TRDN: variants seen among roughly 807,000 people sequenced by gnomAD.
The protein encoded by TRDN is triadin, also known as triadin in skeletal muscle.
In TRDN, 161 loss-of-function variants were observed where a neutral mutation model predicts 149.7. The ratio of observed to expected loss-of-function variants is 1.08; its 90% CI spans 0.95 to 1.23. TRDN has a LOEUF of 1.23. Ranked by LOEUF, TRDN falls within the 50% of genes most tolerant of loss-of-function variation. The pLI, the probability that TRDN is intolerant of heterozygous loss-of-function variation, is 0.00. For missense variants in TRDN, 896 were observed against 823.5 expected, an observed-to-expected ratio of 1.09 and a Z score of -1.08; for synonymous variants, 294 against 250.5, an observed-to-expected ratio of 1.17 and a Z score of -1.64.
intron 10 of TRDN, among the ~76,000 whole-genome samples, chr6:123,460,101 C>G (rs545264767): frequency 1.3e-5 from 2 of 152,186 alleles, no homozygotes; most frequent in Admixed American, 1.3e-4. Flanking sequence ...ATCTTGAAAA[C>G]AAAGTTAATC....
At chr6:123,387,348 C>A (rs974544528) in intron 14 of TRDN, among the ~76,000 whole-genome samples, 1 of 151,864 alleles carries the variant, frequency 6.6e-6, no homozygotes, top group Admixed American at 6.6e-5. Context: ...AATAATAAAC[C>A]TATTAAATGT....
At chr6:123,583,942 T>A (rs776574238) in intron 1 of TRDN, 7 of 262,370 alleles carry the variant, frequency 2.7e-5, no homozygotes, top group South Asian at 2.6e-4. Context: ...ATTTCCACGA[T>A]GGAAAGGAAA....
chr6:123,377,548 CTAAAACT>C (rs1781554979), intron 18 of TRDN, among the ~76,000 whole-genome samples, 161 bp downstream of exon 18: 1 of 152,142 alleles, frequency 6.6e-6, no homozygotes, highest in Non-Finnish European at 1.5e-5. Flanking sequence ...CTTTCATTTT[CTAAAACT>C]GCATTGATGT....
intron 20 of TRDN, among the ~76,000 whole-genome samples, chr6:123,364,053 T>A (rs1379922829): frequency 6.6e-6 from 1 of 152,232 alleles, no homozygotes; most frequent in Admixed American, 6.5e-5. Context: ...ACTTTCTTTT[T>A]CTGTATGTCA....
intron 38 of TRDN, among the ~76,000 whole-genome samples, chr6:123,225,371 A>G (rs762782412): frequency 6.6e-6 from 1 of 151,684 alleles, no homozygotes. Context: ...CCACTAGACA[A>G]TAGTCATCCT....
At chr6:123,331,962 C>A in intron 22 of TRDN, 33 bp from the exon 23 acceptor site, 3 of 1,489,682 alleles carry the variant, frequency 2.0e-6, no homozygotes, top group Non-Finnish European at 2.7e-6. Context: ...TATTTGAAGC[C>A]AAGACAAAGA....
At chr6:123,494,891 A>G (rs938690447) in intron 9 of TRDN, among the ~76,000 whole-genome samples, 13 of 151,412 alleles carry the variant, frequency 8.6e-5, no homozygotes, top group Admixed American at 7.9e-4. Context: ...CCACCACCAA[A>G]CCTGGCTAAT....
At chr6:123,604,112 C>T (rs1535353) in intron 1 of TRDN, among the ~76,000 whole-genome samples, 119,026 of 152,138 alleles carry the variant, frequency 0.78, 46,948 homozygotes, top group Admixed American at 0.86. Flanking sequence ...GTGCTTACCG[C>T]GACAGTGTTG....
At chr6:123,586,517 C>T (rs980596791) in intron 1 of TRDN, among the ~76,000 whole-genome samples, 2 of 152,112 alleles carry the variant, frequency 1.3e-5, no homozygotes, top group African/African-American at 4.8e-5. Context: ...GGATGTCAGG[C>T]ACCTCAGACC....
rs751544057 is a variant in TRDN at position 123,316,050 on chromosome 6, G to A, written c.1510+407C>T. ...TGGAGATCAAAATGGTTGAAAGTAG[G>A]TAAATACAGGTTCATAAAACTCAAT... On this transcript the variant is annotated intron_variant, in intron 24 of 40. Transcript: ENST00000334268. 1.3e-4 allele frequency among the ~76,000 whole-genome samples: 19 copies of A among 151,828 alleles called. 1 individual carries two copies. The highest frequency in any genetic ancestry group is 1.3e-4 in the Non-Finnish European group (9 of 67,896).
At chr6:123,404,814 T>C (rs971720394) in intron 12 of TRDN, among the ~76,000 whole-genome samples, 2 of 152,196 alleles carry the variant, frequency 1.3e-5, no homozygotes, top group African/African-American at 2.4e-5. Context: ...TCAGCTCACA[T>C]GCTAATGCTC....
chr6:123,301,829 G>A (rs1027446819), intron 24 of TRDN, among the ~76,000 whole-genome samples: 1 of 134,552 alleles, frequency 7.4e-6, no homozygotes, highest in Non-Finnish European at 1.6e-5. Context: ...AAACCATTTT[G>A]TCAGTGATAG....
chr6:123,393,766 C>T (rs954550590), intron 12 of TRDN, 89 bp from the exon 13 acceptor site: 85 of 1,258,658 alleles, frequency 6.8e-5, no homozygotes, highest in Middle Eastern at 2.6e-4. Context: ...CAAACACAAA[C>T]GAGCATAAAA....
chr6:123,422,485 A>G (rs1383155162), intron 12 of TRDN, among the ~76,000 whole-genome samples: 1 of 152,160 alleles, frequency 6.6e-6, no homozygotes, highest in Non-Finnish European at 1.5e-5. Flanking sequence ...AGATTCAGAG[A>G]GAGAGCCATG....
intron 10 of TRDN, among the ~76,000 whole-genome samples, chr6:123,453,619 G>A (rs1775922934): frequency 6.6e-6 from 1 of 152,118 alleles, no homozygotes; most frequent in Non-Finnish European, 1.5e-5. Context: ...GTAGTGGCAT[G>A]TATGTGGTGA....
chr6:123,579,849 A>G (rs2114573722), intron 1 of TRDN, among the ~76,000 whole-genome samples: 1 of 152,298 alleles, frequency 6.6e-6, no homozygotes, highest in African/African-American at 2.4e-5. Flanking sequence ...TGATAGTTTT[A>G]TAAGGGGCTC....
At chr6:123,615,238 G>A (rs1785023869) in intron 1 of TRDN, among the ~76,000 whole-genome samples, 1 of 152,126 alleles carries the variant, frequency 6.6e-6, no homozygotes, top group African/African-American at 2.4e-5. Context: ...AAAATAGTAT[G>A]GGGCTTCCTC....
At chr6:123,492,585 G>T (rs555450022) in intron 9 of TRDN, among the ~76,000 whole-genome samples, 11 of 152,118 alleles carry the variant, frequency 7.2e-5, no homozygotes, top group African/African-American at 2.6e-4. Context: ...CTTAAAAATA[G>T]TCTACCTAAA....
chr6:123,390,909 T>A (rs994037539), intron 13 of TRDN, among the ~76,000 whole-genome samples: 8 of 152,122 alleles, frequency 5.3e-5, no homozygotes, highest in African/African-American at 1.9e-4. Flanking sequence ...ATTCTTAATG[T>A]TTGCTTCAGG....
Sources: allele counts gnomAD v4.1 joint callset (sites outside exome capture counted in the v4.1 genomes callset), GRCh38; gene constraint gnomAD v4.1.1; transcripts MANE v1.5; gene names NCBI Gene and HGNC (gene_info 2026-07-23, HGNC 2026-07-21).